PTH2R: variants seen among roughly 807,000 people sequenced by gnomAD.
PTH2R encodes the protein parathyroid hormone 2 receptor, also known as PTH2 receptor.
Under a neutral mutation model 60.3 loss-of-function variants are expected in PTH2R, and 59 were observed. The ratio of observed to expected loss-of-function variants is 0.98; its 90% CI spans 0.79 to 1.22. The LOEUF is 1.22. Among genes scored for constraint, PTH2R ranks in the 50% most tolerant of loss-of-function variants. PTH2R has a pLI of 0.00. For synonymous variants in PTH2R, 256 were observed against 243.8 expected (o/e 1.05, Z -0.47); for missense variants, 749 against 682.6 (o/e 1.10, Z -1.08).
chr2:208,390,781 C>T (rs896496263), intron 1 of PTH2R, among the ~76,000 whole-genome samples: 7 of 152,102 alleles, frequency 4.6e-5, no homozygotes, highest in African/African-American at 7.2e-5. Flanking sequence ...TAAATAATTT[C>T]CATCAAAAAG....
chr2:208,382,760 C>T (rs1476985338), intron 1 of PTH2R, among the ~76,000 whole-genome samples: 1 of 152,312 alleles, frequency 6.6e-6, no homozygotes, highest in Non-Finnish European at 1.5e-5. Context: ...TCTGTACTTA[C>T]GGACTCCTGC....
At chr2:208,484,345 A>G (rs1703226456) in intron 10 of PTH2R, among the ~76,000 whole-genome samples, 1 of 152,260 alleles carries the variant, frequency 6.6e-6, no homozygotes, top group South Asian at 2.1e-4. Flanking sequence ...ACAACTTTTT[A>G]TCTTGAGATA....
At chr2:208,376,161 C>T (rs1039393038) in intron 1 of PTH2R, among the ~76,000 whole-genome samples, 4 of 152,086 alleles carry the variant, frequency 2.6e-5, no homozygotes, top group African/African-American at 4.8e-5. Flanking sequence ...CATTTAGCCT[C>T]GTGGTATTTC....
rs1703467885 is a variant in PTH2R at position 208,493,762 on chromosome 2, T to G, written c.*103T>G. The G allele has an allele frequency of 7.6e-7, 1 of 1,317,412 alleles. No homozygotes were observed. The highest frequency in any genetic ancestry group is 1.8e-5 in the South Asian group (1 of 56,246). 81.6% of individuals were successfully genotyped at this position (1,317,412 alleles called of 1,614,324 possible). A position where few individuals can be genotyped will look rare whatever the true frequency, so the allele number is the denominator to read the frequency against. On this transcript the variant is annotated 3_prime_UTR_variant, in exon 13 of 13. Coordinates refer to ENST00000272847, the MANE Select transcript of PTH2R (RefSeq NM_005048.4). ...TTGAGTTCAAAGGCTGAAAATTCAG[T>G]TAAGGTGTTACTTAATAATAGTTTT...
intron 11 of PTH2R, among the ~76,000 whole-genome samples, chr2:208,490,025 C>T (rs1703367084): frequency 6.6e-6 from 1 of 152,156 alleles, no homozygotes; most frequent in Non-Finnish European, 1.5e-5. Flanking sequence ...TCTAATACAT[C>T]CACTACATTA....
At chr2:208,391,826 G>C (rs1264355749) in intron 1 of PTH2R, among the ~76,000 whole-genome samples, 1 of 152,096 alleles carries the variant, frequency 6.6e-6, no homozygotes, top group East Asian at 1.9e-4. Flanking sequence ...CTGGGCCTTG[G>C]GTTTTGAAAC....
chr2:208,489,033 G>A lies in PTH2R; in HGVS notation c.1098G>A (p.Leu366=), dbSNP rs1703339098. Residue 366 remains leucine (L), a synonymous_variant, in exon 11 of 13, where the codon CTG becomes CTA. Transcript: ENST00000272847. Reference sequence around the variant, plus strand: ...TTAGGAAACTGGCCAAATCGACACTGGTCCTGGTCCTAGTCTTTGGAGTGC... The same window carrying A: ...TTAGGAAACTGGCCAAATCGACACTAGTCCTGGTCCTAGTCTTTGGAGTGC... ...KQYRKLAKST[L]VLVLVFGVHY... is the part of the protein sequence containing the mutation. The A allele has an allele frequency of 6.2e-7, 1 of 1,614,052 alleles. No homozygotes were observed. Among genetic ancestry groups the A allele is most frequent in the East Asian group, 2.2e-5 (1 of 44,876 alleles).
intron 1 of PTH2R, among the ~76,000 whole-genome samples, chr2:208,365,477 G>A (rs1700560533): frequency 6.6e-6 from 1 of 151,994 alleles, no homozygotes; most frequent in Non-Finnish European, 1.5e-5. Context: ...TAAATGTGGT[G>A]TACTACATTG....
At chr2:208,442,511 A>G (rs1574876924) in intron 5 of PTH2R, 50 bp downstream of exon 5, 2 of 1,378,962 alleles carry the variant, frequency 1.5e-6, no homozygotes, top group South Asian at 1.2e-5. Flanking sequence ...TGTCTTTCCT[A>G]TCCAGAGAAG....
In PTH2R at chr2:208,437,851, C is replaced by T; in HGVS notation, c.381C>T (p.Arg127=). ...KTWANYSDCL[R]FLQPDISIGK... Reference sequence around the variant, plus strand: ...GGGCCAATTATTCAGACTGCCTTCGCTTTCTGCAGCCAGATATCAGCATAG... The same window carrying T: ...GGGCCAATTATTCAGACTGCCTTCGTTTTCTGCAGCCAGATATCAGCATAG... Residue 127 remains arginine, a synonymous_variant, in exon 4 of 13, where the codon CGC becomes CGT. Transcript: ENST00000272847. 6.2e-7 allele frequency: 1 copy of T among 1,613,736 alleles called. No homozygotes were observed. The highest frequency in any genetic ancestry group is 8.5e-7 in the Non-Finnish European group (1 of 1,179,678).
At chr2:208,393,254 G>A (rs1574833296) in intron 1 of PTH2R, among the ~76,000 whole-genome samples, 1 of 152,212 alleles carries the variant, frequency 6.6e-6, no homozygotes, top group East Asian at 1.9e-4. Context: ...GGAGATGCCT[G>A]TGTGATAAAC....
At chr2:208,365,044 G>T (rs1241117120) in intron 1 of PTH2R, among the ~76,000 whole-genome samples, 1 of 143,716 alleles carries the variant, frequency 7.0e-6, no homozygotes, top group Non-Finnish European at 1.5e-5. Flanking sequence ...TTTTAAATTT[G>T]TTCTAACCTG....
At chr2:208,449,455 A>ATAGC (rs1702358400) in intron 7 of PTH2R, among the ~76,000 whole-genome samples, 1 of 148,672 alleles carries the variant, frequency 6.7e-6, no homozygotes, top group African/African-American at 2.6e-5. Flanking sequence ...AGATAGATAA[A>ATAGC]TAGATAGATA....
intron 10 of PTH2R, among the ~76,000 whole-genome samples, chr2:208,481,636 A>G (rs1226748701): frequency 1.3e-5 from 2 of 152,218 alleles, no homozygotes; most frequent in African/African-American, 4.8e-5. Context: ...AGAAAACATA[A>G]GTAACCCCAA....
intron 1 of PTH2R, among the ~76,000 whole-genome samples, chr2:208,383,852 G>C (rs1417419657): frequency 2.0e-5 from 3 of 152,168 alleles, no homozygotes; most frequent in Admixed American, 1.3e-4. Flanking sequence ...GCATGCTCTG[G>C]TCAAGACAGA....
At chr2:208,360,289 C>T (rs1435684524) in intron 1 of PTH2R, 9 of 398,094 alleles carry the variant, frequency 2.3e-5, no homozygotes, top group Non-Finnish European at 5.1e-6. Context: ...GCAGCCCCTA[C>T]GGGGTCTCCT....
At chr2:208,414,124 C>T (rs1412781269) in intron 1 of PTH2R, among the ~76,000 whole-genome samples, 2 of 152,196 alleles carry the variant, frequency 1.3e-5, no homozygotes, top group East Asian at 1.9e-4. Flanking sequence ...AGACTTTCCC[C>T]CTCCTTCTGT....
At chr2:208,375,142 G>A (rs1700771029) in intron 1 of PTH2R, among the ~76,000 whole-genome samples, 1 of 152,128 alleles carries the variant, frequency 6.6e-6, no homozygotes, top group African/African-American at 2.4e-5. Flanking sequence ...TAATTTCAGA[G>A]AGTTATGTTG....
At chr2:208,383,709 A>C (rs1200556614) in intron 1 of PTH2R, among the ~76,000 whole-genome samples, 1 of 152,242 alleles carries the variant, frequency 6.6e-6, no homozygotes, top group South Asian at 2.1e-4. Context: ...TTACCAGCCA[A>C]TAGTTGAACT....
Sources: allele counts gnomAD v4.1 joint callset (sites outside exome capture counted in the v4.1 genomes callset), GRCh38; gene constraint gnomAD v4.1.1; transcripts MANE v1.5; gene names NCBI Gene and HGNC (gene_info 2026-07-23, HGNC 2026-07-21).